Variants in CDH26 observed in about 807,000 individuals in gnomAD.
CDH26 encodes cadherin-like protein 26.
In CDH26, 83 loss-of-function variants were observed where a neutral mutation model predicts 90.3. The observed-to-expected ratio is 0.92, with a 90% confidence interval of 0.77 to 1.10. The LOEUF (loss-of-function observed/expected upper bound fraction) is 1.10, where lower values mean the gene tolerates loss of function less well. Ranked by LOEUF, CDH26 falls within the 50% of genes least tolerant of loss-of-function variation. The pLI is 0.00. For synonymous variants in CDH26, 397 were observed against 396.3 expected (o/e 1.00, Z -0.02); for missense variants, 1,013 against 1,037.6 (o/e 0.98, Z 0.33).
In CDH26 at chr20:59,958,723, C is replaced by G. The variant is rs2061028854; in HGVS notation, c.-4C>G. 6.2e-7 allele frequency: 1 copy of G among 1,614,150 alleles called. No homozygotes were observed. Among genetic ancestry groups the G allele is most frequent in the Non-Finnish European group, 8.5e-7 (1 of 1,179,992 alleles). On this transcript the variant is annotated 5_prime_UTR_variant, in exon 1 of 18. Transcript: ENST00000348616. ...CGTTCTGGGTCTGTCTTGGGTATTC[C>G]CATATGGCCATGAGATCCGGGAGGC...
At chr20:59,979,020 C>T (rs1371373057) in intron 4 of CDH26, among the ~76,000 whole-genome samples, 1 of 152,056 alleles carries the variant, frequency 6.6e-6, no homozygotes, top group Non-Finnish European at 1.5e-5. Context: ...TCCTTCAACC[C>T]TTAACCCCTG....
intron 12 of CDH26, 134 bp downstream of exon 12, chr20:59,996,188 G>A (rs2061595111): frequency 9.7e-7 from 1 of 1,029,378 alleles, no homozygotes; most frequent in Non-Finnish European, 1.4e-6. Flanking sequence ...ACTTCTGGGT[G>A]TACTCAGGCT....
intron 1 of CDH26, among the ~76,000 whole-genome samples, chr20:59,960,396 C>T (rs1244701266): frequency 9.0e-6 from 1 of 111,424 alleles, no homozygotes; most frequent in Non-Finnish European, 2.1e-5. Context: ...TATGTTAAAA[C>T]ACACACACAC....
intron 7 of CDH26, among the ~76,000 whole-genome samples, chr20:60,021,867 C>CACACACACACACACACACACACAT (rs2061956800): frequency 4.4e-5 from 4 of 90,446 alleles, no homozygotes; most frequent in East Asian, 5.1e-4. Flanking sequence ...CACACACACA[C>CACACACACACACACACACACACAT]ACACACACAC....
downstream of CDH26, among the ~76,000 whole-genome samples, chr20:60,016,203 G>A (rs2061904409): frequency 6.6e-6 from 1 of 152,062 alleles, no homozygotes; most frequent in South Asian, 2.1e-4. Context: ...TCTGTAGATT[G>A]CTTTGCATAG....
chr20:59,989,690 A>C (rs1212089264), intron 9 of CDH26, among the ~76,000 whole-genome samples: 3 of 152,240 alleles, frequency 2.0e-5, no homozygotes, highest in Non-Finnish European at 4.4e-5. Context: ...TGACCCCAGC[A>C]GAAGAACTCA....
chr20:60,021,047 C>T (rs917409590), intron 7 of CDH26, among the ~76,000 whole-genome samples: 8 of 152,226 alleles, frequency 5.3e-5, no homozygotes, highest in Admixed American at 6.5e-5. Context: ...CTTCTCCATT[C>T]CTCTGCTGCA....
intron 7 of CDH26, among the ~76,000 whole-genome samples, chr20:60,020,681 G>T (rs1442591076): frequency 6.6e-6 from 1 of 152,154 alleles, no homozygotes; most frequent in Non-Finnish European, 1.5e-5. Context: ...GTCTCAGAAT[G>T]GTGCTGTCCT....
intron 1 of CDH26, among the ~76,000 whole-genome samples, chr20:59,967,711 C>G (rs2061167583): frequency 6.6e-6 from 1 of 150,676 alleles, no homozygotes; most frequent in Admixed American, 6.6e-5. Context: ...ATTGCAGGAC[C>G]ATTCTCTCTC....
chr20:60,002,035 G>A (rs1009166572), intron 15 of CDH26, among the ~76,000 whole-genome samples: 12 of 152,002 alleles, frequency 7.9e-5, no homozygotes, highest in African/African-American at 2.9e-4. Context: ...GACCTTATTT[G>A]GACCTCACCA....
chr20:60,029,526 G>A (rs1244461436), intron 7 of CDH26, among the ~76,000 whole-genome samples: 1 of 152,190 alleles, frequency 6.6e-6, no homozygotes, highest in Non-Finnish European at 1.5e-5. Flanking sequence ...GTGCAGGTTT[G>A]TTACATAGGT....
chr20:60,018,547 T>C (rs1331014948), downstream of CDH26, among the ~76,000 whole-genome samples: 1 of 151,964 alleles, frequency 6.6e-6, no homozygotes, highest in Non-Finnish European at 1.5e-5. Context: ...TATTTTAAAA[T>C]TCATCCAGCC....
chr20:60,017,149 T>G (rs1029723888), downstream of CDH26, among the ~76,000 whole-genome samples: 4 of 152,110 alleles, frequency 2.6e-5, no homozygotes, highest in African/African-American at 9.6e-5. Context: ...GGAAGAGCTA[T>G]CTCTACTTGT....
In CDH26 at chr20:59,990,623, A is replaced by T. The variant is rs936760337; in HGVS notation, c.1283+1460A>T. Among the ~76,000 whole-genome samples the T allele has an allele frequency of 6.6e-5, 10 of 152,348 alleles. No individual in the cohort carries two copies. The East Asian group carries it at 1.7e-3, about 26-fold the overall frequency. On this transcript the variant is annotated intron_variant, in intron 9 of 17. Coordinates refer to ENST00000348616, the MANE Select transcript of CDH26 (RefSeq NM_177980.4). ...AAATGGAATTACTAGAAAAATTTTC[A>T]TGCACTAGGTGGACATGACAATGCT...
chr20:59,968,151 G>A (rs2061203131), intron 1 of CDH26, among the ~76,000 whole-genome samples: 1 of 149,708 alleles, frequency 6.7e-6, no homozygotes, highest in Admixed American at 6.7e-5. Context: ...AGGCTGGAGT[G>A]CAGTGGTGCA....
Position 60,021,885 on chromosome 20 carries a change from C to T in CDH26, c.948-9346C>T, listed in dbSNP as rs796543292. On this transcript the variant is annotated intron_variant, in intron 7 of 8. Transcript: ENST00000370991. Reference sequence around the variant, plus strand: ...ACACACACACACACACACACACACACACACACACACACATATATATATATA... The same window carrying T: ...ACACACACACACACACACACACACATACACACACACACATATATATATATA... Among the ~76,000 whole-genome samples, 520 of 53,220 alleles carry T rather than the reference C, an allele frequency of 9.8e-3. 9 individuals carry two copies. The highest frequency in any genetic ancestry group is 0.017 in the Non-Finnish European group (340 of 19,834). 34.9% of individuals were successfully genotyped at this position (53,220 alleles called of 152,430 possible). A position where few individuals can be genotyped will look rare whatever the true frequency, so the allele number is the denominator to read the frequency against.
chr20:59,971,872 A>G (rs1320808583), intron 3 of CDH26, 90 bp from the exon 4 acceptor site: 2 of 1,035,624 alleles, frequency 1.9e-6, no homozygotes, highest in African/African-American at 1.6e-5. Context: ...TTTCTTAAAG[A>G]TGCCATTGAT....
chr20:60,013,041 C>A lies in CDH26; in HGVS notation c.*311C>A. On this transcript the variant is annotated 3_prime_UTR_variant, in exon 18 of 18. Transcript: ENST00000348616. ...CTTTGAGGGTAAATGAAAATATAAC[C>A]CATAGATTACCCAGCCACTTGGGAA... 4.6e-6 allele frequency: 1 copy of A among 218,364 alleles called. No individual in the cohort carries two copies. Among genetic ancestry groups the A allele is most frequent in the Non-Finnish European group, 9.0e-6 (1 of 110,632 alleles). 13.5% of individuals were successfully genotyped at this position (218,364 alleles called of 1,614,324 possible).
chr20:60,031,608 C>T (rs1569073563), intron 8 of CDH26, among the ~76,000 whole-genome samples: 1 of 152,094 alleles, frequency 6.6e-6, no homozygotes, highest in Non-Finnish European at 1.5e-5. Flanking sequence ...CTTGTAATTC[C>T]CAGAGCAGTT....
Sources: allele counts gnomAD v4.1 joint callset (sites outside exome capture counted in the v4.1 genomes callset), GRCh38; gene constraint gnomAD v4.1.1; transcripts MANE v1.5; gene names NCBI Gene and HGNC (gene_info 2026-07-23, HGNC 2026-07-21).